Variants in RBFOX1 observed in about 807,000 individuals in gnomAD.
The protein encoded by RBFOX1 is RNA binding fox-1 homolog 1, also known as RNA binding protein fox-1 homolog 1.
In RBFOX1, 8 loss-of-function variants were observed where a neutral mutation model predicts 57.7. That is an observed-to-expected ratio of 0.14 (90% CI 0.08 to 0.25). The LOEUF is 0.25. Among genes scored for constraint, RBFOX1 ranks in the 10% least tolerant of loss-of-function variants. The probability of loss-of-function intolerance (pLI) is 1.00; values close to 1 mark genes in which losing one functional copy is unlikely to be tolerated. For missense variants in RBFOX1, 611 were observed against 548.5 expected (o/e 1.11, Z -1.14); for synonymous variants, 326 against 222.4 (o/e 1.47, Z -4.15).
intron 1 of RBFOX1, among the ~76,000 whole-genome samples, chr16:6,235,374 C>T (rs1361334474): frequency 2.0e-5 from 3 of 152,070 alleles, no homozygotes; most frequent in East Asian, 3.9e-4. Context: ...CCAGCCCCAG[C>T]TGTCTGTCTG....
intron 3 of RBFOX1, among the ~76,000 whole-genome samples, chr16:5,786,462 AAG>A (rs1206748880): frequency 6.6e-6 from 1 of 152,128 alleles, no homozygotes; most frequent in Non-Finnish European, 1.5e-5. Flanking sequence ...AAATAGTGAC[AAG>A]AGAGTGTAAC....
At chr16:6,409,831 C>T (rs1157364895) in intron 2 of RBFOX1, among the ~76,000 whole-genome samples, 2 of 152,244 alleles carry the variant, frequency 1.3e-5, no homozygotes, top group Non-Finnish European at 2.9e-5. Flanking sequence ...GCTCAGTTTC[C>T]GGAGATCTGA....
intron 4 of RBFOX1, among the ~76,000 whole-genome samples, chr16:7,357,531 C>A (rs1397136667): frequency 6.6e-6 from 1 of 152,162 alleles, no homozygotes; most frequent in African/African-American, 2.4e-5. Context: ...AATCCAACCA[C>A]CTCCACCTCT....
At chr16:6,558,487 C>A (rs1357007216) in intron 2 of RBFOX1, among the ~76,000 whole-genome samples, 5 of 152,046 alleles carry the variant, frequency 3.3e-5, no homozygotes, top group Admixed American at 3.3e-4. Context: ...TGACTTGAGT[C>A]ATCTGTCACG....
intron 2 of RBFOX1, among the ~76,000 whole-genome samples, chr16:5,508,082 T>C (rs950710726): frequency 7.9e-5 from 12 of 152,200 alleles, no homozygotes; most frequent in Non-Finnish European, 1.3e-4. Context: ...CCCTCTGACA[T>C]GCTAGTTTTC....
At chr16:5,744,289 C>T (rs916450760) in intron 3 of RBFOX1, among the ~76,000 whole-genome samples, 2 of 152,158 alleles carry the variant, frequency 1.3e-5, no homozygotes, top group Admixed American at 6.5e-5. Context: ...TGGGTTCCCG[C>T]AGCACCTTGA....
intron 1 of RBFOX1, among the ~76,000 whole-genome samples, chr16:5,258,258 T>C (rs1003171650): frequency 6.6e-5 from 10 of 152,204 alleles, no homozygotes; most frequent in Admixed American, 6.5e-4. Context: ...TGAGCTATCA[T>C]ATACCCATCA....
At position 5,596,121 on chromosome 16, in the gene RBFOX1, G is replaced by T. The variant is rs538942422; in HGVS notation, c.259-2781G>T. On this transcript the variant is annotated intron_variant, in intron 2 of 2. Transcript: ENST00000585867. ...GAGAGGGAAAGCCCCTAGCTAGGGG[G>T]AAGGGGCTGGAAAGTGTGGAAGGGG... 7.9e-5 allele frequency among the ~76,000 whole-genome samples: 12 copies of T among 152,264 alleles called. No homozygotes were observed. In the South Asian group the frequency reaches 8.3e-4, roughly 11 times the overall value.
At chr16:6,366,321 AC>A (rs2089609440) in intron 2 of RBFOX1, among the ~76,000 whole-genome samples, 1 of 152,158 alleles carries the variant, frequency 6.6e-6, no homozygotes, top group Non-Finnish European at 1.5e-5. Flanking sequence ...TGGATATTGA[AC>A]TATAAAGACT....
chr16:7,518,072 G>A (rs1192075916), intron 4 of RBFOX1, 75 bp from the exon 5 acceptor site: 2 of 1,530,866 alleles, frequency 1.3e-6, no homozygotes, highest in Admixed American at 3.7e-5. Flanking sequence ...ATCGTCCTGG[G>A]ATCTGGGAGG....
chr16:7,652,395 G>T (rs943572743), intron 11 of RBFOX1, among the ~76,000 whole-genome samples: 2 of 152,152 alleles, frequency 1.3e-5, no homozygotes, highest in Non-Finnish European at 2.9e-5. Flanking sequence ...CCCAAGGGAA[G>T]ATATCCCCGC....
intron 1 of RBFOX1, among the ~76,000 whole-genome samples, chr16:6,231,234 G>T (rs202084974): frequency 2.3e-5 from 2 of 88,716 alleles, no homozygotes; most frequent in African/African-American, 7.0e-5. Flanking sequence ...GTGTGTGTGT[G>T]TGTAGGTGTG....
intron 4 of RBFOX1, among the ~76,000 whole-genome samples, chr16:7,211,391 C>CAAAA (rs57333413): frequency 0.18 from 14,641 of 83,542 alleles, 1,460 homozygotes; most frequent in East Asian, 0.41. Context: ...GACTGCCTCT[C>CAAAA]AAAAAAAAAA....
At chr16:7,134,564 C>T (rs957897580) in intron 4 of RBFOX1, among the ~76,000 whole-genome samples, 17 of 152,214 alleles carry the variant, frequency 1.1e-4, no homozygotes, top group Non-Finnish European at 2.1e-4. Context: ...AATTGCTAGC[C>T]TATTTTCTTA....
chr16:5,499,796 C>G (rs1257917801), intron 2 of RBFOX1, among the ~76,000 whole-genome samples: 1 of 152,148 alleles, frequency 6.6e-6, no homozygotes, highest in Non-Finnish European at 1.5e-5. Context: ...TGGTCTTGAA[C>G]TCCTGACATC....
intron 2 of RBFOX1, among the ~76,000 whole-genome samples, chr16:6,647,685 A>C (rs1347454392): frequency 6.6e-6 from 1 of 152,148 alleles, no homozygotes; most frequent in Admixed American, 6.5e-5. Context: ...CCATCATACT[A>C]CGTGTTAAAA....
At chr16:6,925,863 A>G (rs2075480084) in intron 3 of RBFOX1, among the ~76,000 whole-genome samples, 2 of 152,124 alleles carry the variant, frequency 1.3e-5, no homozygotes, top group African/African-American at 2.4e-5. Context: ...TAAAAAAAAA[A>G]TCTGTAATTA....
chr16:6,839,564 C>G (rs1326203858), intron 3 of RBFOX1, among the ~76,000 whole-genome samples: 1 of 152,136 alleles, frequency 6.6e-6, no homozygotes, highest in East Asian at 1.9e-4. Context: ...CACTGAAATG[C>G]CAGCCCTGCT....
intron 3 of RBFOX1, among the ~76,000 whole-genome samples, chr16:6,711,626 T>C (rs1301431327): frequency 3.3e-5 from 5 of 152,336 alleles, no homozygotes; most frequent in Admixed American, 2.0e-4. Context: ...TCCACCATGA[T>C]TGTAAGTTTC....
Sources: gnomAD v4.1 joint callset for allele counts (sites outside exome capture counted in the v4.1 genomes callset) on GRCh38, gnomAD v4.1.1 for gene constraint, MANE v1.5 for transcripts, NCBI Gene and HGNC (gene_info 2026-07-23, HGNC 2026-07-21) for gene names.